AFM: variants seen among roughly 807,000 people sequenced by gnomAD.
AFM encodes the protein alpha-Alb.
A neutral mutation model predicts 68.7 loss-of-function variants in AFM; 82 were observed. The ratio of observed to expected loss-of-function variants is 1.19; its 90% CI spans 1.00 to 1.43. The LOEUF is 1.43. Ranked by LOEUF, AFM falls within the 40% of genes most tolerant of loss-of-function variation. AFM has a pLI of 0.00. For synonymous variants in AFM, 250 were observed against 234.2 expected (o/e 1.07, Z -0.61); for missense variants, 772 against 701.8 (o/e 1.10, Z -1.13).
At chr4:73,489,704 G>A (rs993656655) in intron 7 of AFM, among the ~76,000 whole-genome samples, 13 of 152,156 alleles carry the variant, frequency 8.5e-5, no homozygotes, top group Admixed American at 7.2e-4. Context: ...GTATTGGTAC[G>A]AATATTGTTG....
At chr4:73,500,661 CAG>C (rs2149347223) in intron 12 of AFM, among the ~76,000 whole-genome samples, 1 of 152,280 alleles carries the variant, frequency 6.6e-6, no homozygotes, top group South Asian at 2.1e-4. Context: ...TGGATTTAGA[CAG>C]AGTCTGCCTA....
chr4:73,500,125 C>A lies in AFM; in HGVS notation c.1544C>A (p.Ala515Asp). 5 of 1,613,992 alleles carry A rather than the reference C, an allele frequency of 3.1e-6. No individual in the cohort carries two copies. The highest frequency in any genetic ancestry group is 4.2e-6 in the Non-Finnish European group (5 of 1,179,948). ...AGGCCCTGCTTTGAGAGTTTGAAAGCTGATAAAACATATGTGCCTCCACCT... is the reference window on the plus strand; with the variant it reads ...AGGCCCTGCTTTGAGAGTTTGAAAGATGATAAAACATATGTGCCTCCACCT... ...FRRPCFESLK[A>D]DKTYVPPPFS... The change falls in exon 12 of 15, where the codon GCT (alanine) becomes GAT (aspartate). Residue 515 changes from alanine to aspartate, a missense_variant. Ala to Asp is a moderately radical substitution (Grantham distance 126). Coordinates refer to ENST00000226355, the MANE Select transcript of AFM (RefSeq NM_001133.2).
chr4:73,488,533 T>C, intron 6 of AFM, 97 bp from the exon 7 acceptor site: 4 of 1,078,210 alleles, frequency 3.7e-6, no homozygotes, highest in Non-Finnish European at 5.3e-6. Context: ...ATGGTGGCAA[T>C]ACTTTTTGTA....
chr4:73,484,765 G>A (rs924642420), intron 3 of AFM, among the ~76,000 whole-genome samples: 2 of 151,944 alleles, frequency 1.3e-5, no homozygotes, highest in African/African-American at 4.8e-5. Flanking sequence ...TCAAACTCCT[G>A]ACCCCAAGTG....
intron 1 of AFM, among the ~76,000 whole-genome samples, chr4:73,482,728 G>A (rs1267094924): frequency 6.6e-6 from 1 of 152,016 alleles, no homozygotes; most frequent in African/African-American, 2.4e-5. Flanking sequence ...TGTGACAGTT[G>A]CAAAGTCTCC....
chr4:73,486,865 A>C, intron 4 of AFM, 102 bp from the exon 5 acceptor site: 2 of 1,168,898 alleles, frequency 1.7e-6, no homozygotes, highest in Non-Finnish European at 2.4e-6. Flanking sequence ...TTTCCTTCCC[A>C]TCTTACCCTC....
chr4:73,484,875 C>T (rs1720847897), intron 3 of AFM, among the ~76,000 whole-genome samples: 1 of 152,042 alleles, frequency 6.6e-6, no homozygotes, highest in Non-Finnish European at 1.5e-5. Context: ...ATTTTTTGCC[C>T]AACACTGAGA....
rs140897222 is a variant in AFM, at chr4:73,502,069, C to A, written c.1779+150C>A. On this transcript the variant is annotated intron_variant, in intron 13 of 14. Transcript: ENST00000226355. ...TGCTACACAACTAATATGTAGACAT[C>A]TCTGAAATACACTTTGAGCAGTGTC... 6 of 877,150 alleles carry A rather than the reference C, an allele frequency of 6.8e-6. No homozygotes were observed. The East Asian group carries it at 1.6e-4, about 23-fold the overall frequency. The allele number at this position is 877,150 out of a possible 1,614,324, so 54.3% of individuals were successfully genotyped here.
chr4:73,486,862 C>T, intron 4 of AFM, 105 bp from the exon 5 acceptor site: 3 of 1,130,756 alleles, frequency 2.7e-6, no homozygotes, highest in Non-Finnish European at 3.7e-6. Context: ...TCTTTTCCTT[C>T]CCATCTTACC....
chr4:73,486,945 C>T lies in AFM; in HGVS notation c.483-22C>T, dbSNP rs535764786. ...GTTTCTTCCCTCACCCGTCTTCTCT[C>T]TTTCATTTTTATTTTTTATAGCTTT... On this transcript the variant is annotated intron_variant, in intron 4 of 14. Transcript: ENST00000226355. 4 of 1,605,728 alleles carry T rather than the reference C, an allele frequency of 2.5e-6. No individual in the cohort carries two copies. The African/African-American group carries it at 4.0e-5, about 16-fold the overall frequency.
chr4:73,495,722 T>G (rs1721236308), intron 9 of AFM, among the ~76,000 whole-genome samples: 1 of 152,244 alleles, frequency 6.6e-6, no homozygotes, highest in Admixed American at 6.5e-5. Context: ...TAAGCCGTAT[T>G]GGATATTACA....
chr4:73,503,204 G>T (rs545848705), intron 14 of AFM, 94 bp downstream of exon 14: 14 of 980,712 alleles, frequency 1.4e-5, no homozygotes, highest in Non-Finnish European at 2.2e-5. Flanking sequence ...TCTATTTCTG[G>T]TTCATCCTAC....
rs373381900 is a variant in AFM, at chr4:73,500,028, T to A, written c.1447T>A (p.Cys483Ser). The A allele has an allele frequency of 1.2e-4, 186 of 1,613,892 alleles. 1 individual carries two copies. Among genetic ancestry groups the A allele is most frequent in the East Asian group, 1.1e-3 (49 of 44,880 alleles). ...GGCAGATTTAGTTTTTGGAGAGTTA[T>A]GTGGAGTAAATGAAAATCGAACTAT... The part of the protein sequence containing the change: ...NLADLVFGEL[C>S]GVNENRTINP... The change falls in exon 12 of 15, where the codon TGT becomes AGT. Residue 483 changes from cysteine to serine, a missense_variant. Cys to Ser is a moderately radical substitution (Grantham distance 112, BLOSUM62 -1). Coordinates refer to ENST00000226355, the MANE Select transcript of AFM (RefSeq NM_001133.2).
intron 1 of AFM, among the ~76,000 whole-genome samples, chr4:73,482,261 T>C (rs1288176697): frequency 6.6e-6 from 1 of 152,256 alleles, no homozygotes; most frequent in Non-Finnish European, 1.5e-5. Context: ...ACTATATCTT[T>C]ATGGAATGCA....
In AFM at chr4:73,488,723, C is replaced by T; in HGVS notation, c.807C>T (p.Cys269=). The part of the protein sequence containing the change: ...VEDVSSNYDG[C]CEGDVVQCIR... ...ATGTTTCTTCCAACTATGATGGATG[C>T]TGTGAAGGGGATGTTGTGCAGTGCA... is the stretch of plus-strand genomic sequence containing the variant. The change falls in exon 7 of 15, where the codon TGC becomes TGT. Residue 269 remains cysteine, a synonymous_variant. Coordinates refer to ENST00000226355, the MANE Select transcript of AFM (RefSeq NM_001133.2). 6.2e-7 allele frequency: 1 copy of T among 1,613,000 alleles called. No homozygotes were observed.
chr4:73,501,725 G>A, intron 12 of AFM, 62 bp from the exon 13 acceptor site: 1 of 1,530,060 alleles, frequency 6.5e-7, no homozygotes, highest in Admixed American at 2.0e-5. Context: ...CAAGCATTTT[G>A]GAGTAGAGAC....
Position 73,498,275 on chromosome 4 carries a change from ATTG to A in AFM, c.1289+529_1289+531del, listed in dbSNP as rs570326033. On this transcript the variant is annotated intron_variant, in intron 10 of 14. Coordinates refer to ENST00000226355, the MANE Select transcript of AFM (RefSeq NM_001133.2). ...AATGTATTTTATTATCATTATTATT[ATTG>A]TTATTATTATCATTACTACATATTT... Among the ~76,000 whole-genome samples, 423 of 151,664 alleles carry A rather than the reference ATTG, an allele frequency of 2.8e-3. 2 individuals carry two copies. The highest frequency in any genetic ancestry group is 9.5e-3 in the African/African-American group (392 of 41,342).
At chr4:73,487,945 T>C in intron 6 of AFM, 124 bp downstream of exon 6, 1 of 646,286 alleles carries the variant, frequency 1.5e-6, no homozygotes, top group Non-Finnish European at 2.7e-6. Flanking sequence ...GGGGTGAGTC[T>C]GAGCCTACTT....
chr4:73,502,062 T>C, intron 13 of AFM, 143 bp downstream of exon 13: 1 of 910,156 alleles, frequency 1.1e-6, no homozygotes. Context: ...AACTAATATG[T>C]AGACATCTCT....
Sources: allele counts gnomAD v4.1 joint callset (sites outside exome capture counted in the v4.1 genomes callset), GRCh38; gene constraint gnomAD v4.1.1; transcripts MANE v1.5; gene names NCBI Gene and HGNC (gene_info 2026-07-23, HGNC 2026-07-21).